The following SYCP1 variants were observed in gnomAD, a reference collection of about 807,000 sequenced individuals.
SYCP1 encodes cancer/testis antigen 8.
In SYCP1, 64 loss-of-function variants were observed where a neutral mutation model predicts 153.1. The observed-to-expected ratio is 0.42, with a 90% CI of 0.34 to 0.51. SYCP1 has a LOEUF of 0.51. Ranked by LOEUF, SYCP1 falls within the 20% of genes least tolerant of loss-of-function variation. The pLI, the probability that SYCP1 is intolerant of heterozygous loss-of-function variation, is 0.06. For synonymous variants in SYCP1, 384 were observed against 341.8 expected (o/e 1.12, Z -1.36); for missense variants, 997 against 1,049.0 (o/e 0.95, Z 0.68).
At chr1:114,946,529 C>A in intron 26 of SYCP1, 148 bp downstream of exon 26, 10 of 421,334 alleles carry the variant, frequency 2.4e-5, no homozygotes, top group East Asian at 5.1e-5. Context: ...CTTCTAGTTA[C>A]ATGTTTTTTT....
intron 27 of SYCP1, among the ~76,000 whole-genome samples, chr1:114,976,245 G>A (rs957976917): frequency 2.6e-5 from 4 of 151,634 alleles, no homozygotes; most frequent in Admixed American, 6.6e-5. Context: ...AGGCTGATAC[G>A]TTTATTTAGA....
intron 23 of SYCP1, among the ~76,000 whole-genome samples, chr1:114,943,553 T>A (rs1448564592): frequency 6.6e-6 from 1 of 151,906 alleles, no homozygotes; most frequent in Non-Finnish European, 1.5e-5. Context: ...TAGGGACACA[T>A]AATTATGCAA....
In SYCP1 at chr1:114,911,513, C is replaced by T. The variant is rs1668177090; in HGVS notation, c.1460C>T (p.Ala487Val). The change falls in exon 18 of 32, where the codon GCC (alanine) becomes GTC (valine). Residue 487 changes from alanine (A) to valine (V), a missense_variant. By Grantham distance (64) the Ala-to-Val change is moderately conservative. Around this residue, in one of 2 missense-constraint regions of SYCP1, gnomAD observed 712 missense variants for 682.9 expected, o/e 1.04. Coordinates refer to ENST00000369522, the MANE Select transcript of SYCP1 (RefSeq NM_003176.4). ...CATGATTTGGAAATACAGTTAACTGCCATTACCACAAGTGAACAGTATTAT... is the reference window on the plus strand; with the variant it reads ...CATGATTTGGAAATACAGTTAACTGTCATTACCACAAGTGAACAGTATTAT... ...EVHDLEIQLT[A>V]ITTSEQYYSK... is the part of the protein sequence containing the mutation. 2.6e-6 allele frequency: 4 copies of T among 1,558,238 alleles called. No homozygotes were observed. The highest frequency in any genetic ancestry group is 3.5e-6 in the Non-Finnish European group (4 of 1,157,438).
chr1:114,855,240 AG>A, intron 1 of SYCP1, 200 bp from the exon 2 acceptor site: 1 of 285,524 alleles, frequency 3.5e-6, no homozygotes, highest in Non-Finnish European at 6.5e-6. Context: ...GTAGGGCGAA[AG>A]GGAGAAGGAA....
chr1:114,935,146 C>T (rs1669912768), intron 23 of SYCP1, among the ~76,000 whole-genome samples: 1 of 152,204 alleles, frequency 6.6e-6, no homozygotes. Flanking sequence ...AAATTGACCA[C>T]ATAGTTGGAA....
At chr1:114,952,468 A>T (rs948935313) in intron 27 of SYCP1, among the ~76,000 whole-genome samples, 1 of 152,212 alleles carries the variant, frequency 6.6e-6, no homozygotes, top group Non-Finnish European at 1.5e-5. Flanking sequence ...GTAATTTATA[A>T]AGAAAAGAGG....
chr1:114,892,414 C>T (rs1289270874), intron 15 of SYCP1, among the ~76,000 whole-genome samples: 1 of 152,036 alleles, frequency 6.6e-6, no homozygotes, highest in Non-Finnish European at 1.5e-5. Flanking sequence ...GAGGAGTGTG[C>T]GCTTCAGCCC....
chr1:114,863,119 T>C (rs1466344077), intron 8 of SYCP1: 2 of 152,218 alleles, frequency 1.3e-5, no homozygotes, highest in Non-Finnish European at 2.9e-5. Context: ...GTCTTTATAG[T>C]AGAATGATTT....
Position 114,855,659 on chromosome 1 carries a change from A to G in SYCP1, c.108+87A>G. 3.7e-6 allele frequency: 4 copies of G among 1,074,492 alleles called. No homozygotes were observed. In the South Asian group the frequency reaches 6.3e-5, roughly 17 times the overall value. The allele number at this position is 1,074,492 out of a possible 1,614,324, so 66.6% of individuals were successfully genotyped here. On this transcript the variant is annotated intron_variant, in intron 2 of 31. Coordinates refer to ENST00000369522, the MANE Select transcript of SYCP1 (RefSeq NM_003176.4). The stretch of plus-strand genomic sequence containing the variant: ...TACTTTCTTCCTGGTGGTGTTTTAT[A>G]ATTATTTCTTCTCAATAAATGGTCT...
chr1:114,956,450 G>A (rs1671438928), intron 27 of SYCP1, among the ~76,000 whole-genome samples: 1 of 152,082 alleles, frequency 6.6e-6, no homozygotes. Flanking sequence ...GTCTGTGCAG[G>A]GTTCTCCTAG....
chr1:114,894,123 A>G (rs1422748879), intron 15 of SYCP1, among the ~76,000 whole-genome samples: 1 of 151,882 alleles, frequency 6.6e-6, no homozygotes, highest in African/African-American at 2.4e-5. Context: ...TGCTCAGTCC[A>G]CTGTCTTTAA....
At chr1:114,928,191 G>A (rs1017256678) in intron 23 of SYCP1, among the ~76,000 whole-genome samples, 2 of 151,998 alleles carry the variant, frequency 1.3e-5, no homozygotes, top group African/African-American at 4.8e-5. Flanking sequence ...CAGATCCATG[G>A]CCCTCAGCAA....
At chr1:114,990,921 C>T (rs1673871951) in intron 30 of SYCP1, among the ~76,000 whole-genome samples, 1 of 151,910 alleles carries the variant, frequency 6.6e-6, no homozygotes, top group Admixed American at 6.6e-5. Flanking sequence ...CAGGGAATTT[C>T]CCACAGGGTG....
At chr1:114,923,320 T>C (rs768106810) in intron 20 of SYCP1, 129 bp from the exon 21 acceptor site, 4 of 917,498 alleles carry the variant, frequency 4.4e-6, no homozygotes, top group Non-Finnish European at 6.3e-6. Context: ...TATTATGAAG[T>C]ATTCAGTTTT....
chr1:114,984,943 T>C (rs1271663389), intron 30 of SYCP1, 75 bp downstream of exon 30: 2 of 732,688 alleles, frequency 2.7e-6, no homozygotes, highest in East Asian at 7.8e-5. Context: ...GATATACATG[T>C]ATAATATATT....
intron 23 of SYCP1, among the ~76,000 whole-genome samples, chr1:114,927,896 C>T (rs1669362990): frequency 6.6e-6 from 1 of 152,124 alleles, no homozygotes; most frequent in African/African-American, 2.4e-5. Context: ...TCACAGCTCA[C>T]CGCAGCCTCG....
At chr1:114,993,365 A>G (rs777831895) in intron 30 of SYCP1, among the ~76,000 whole-genome samples, 26 of 151,572 alleles carry the variant, frequency 1.7e-4, no homozygotes, top group Non-Finnish European at 1.6e-4. Context: ...TTTAATGAGC[A>G]TGAAAAAATT....
chr1:114,874,597 A>G, intron 9 of SYCP1, 33 bp downstream of exon 9: 1 of 1,429,336 alleles, frequency 7.0e-7, no homozygotes, highest in Non-Finnish European at 9.6e-7. Context: ...TATTTTAAAC[A>G]TAGGAATTTC....
Position 114,984,788 on chromosome 1 carries a change from A to T in SYCP1, c.2623A>T (p.Ile875Phe), listed in dbSNP as rs759801063. 4.6e-6 allele frequency: 7 copies of T among 1,519,062 alleles called. No homozygotes were observed. Among genetic ancestry groups the T allele is most frequent in the Non-Finnish European group, 6.2e-6 (7 of 1,133,592 alleles). 94.1% of individuals were successfully genotyped at this position (1,519,062 alleles called of 1,614,324 possible). The stretch of plus-strand genomic sequence containing the variant: ...GCAAAGAGAAAACTTGAATATACCC[A>T]TTGAAGAAAGTAAAAAAAAGAGAAA... ...LQQRENLNIP[I>F]EESKKKRKMA... The change falls in exon 30 of 32, where the codon ATT becomes TTT. Residue 875 changes from isoleucine (I) to phenylalanine (F), a missense_variant. Ile to Phe is a conservative substitution (Grantham distance 21, BLOSUM62 0). Transcript: ENST00000369522.
Sources: gnomAD v4.1 joint callset for allele counts (sites outside exome capture counted in the v4.1 genomes callset) on GRCh38, gnomAD v4.1.1 for gene constraint, gnomAD v4.1.1 regional missense constraint, MANE v1.5 for transcripts, NCBI Gene and HGNC (gene_info 2026-07-23, HGNC 2026-07-21) for gene names.